The following PTDSS2 variants were observed in gnomAD, a reference collection of about 807,000 sequenced individuals.
PTDSS2 encodes the protein phosphatidylserine synthase 2.
PTDSS2 carries 41 observed loss-of-function variants against 64.7 expected under a neutral mutation model. That is an observed-to-expected ratio of 0.63 (90% CI 0.49 to 0.82). The LOEUF (loss-of-function observed/expected upper bound fraction) is 0.82, where lower values mean the gene tolerates loss of function less well. PTDSS2 is among the 40% of genes least tolerant of loss of function. The pLI is 0.00. For synonymous variants in PTDSS2, 297 were observed against 277.8 expected (o/e 1.07, Z -0.69); for missense variants, 485 against 650.0 (o/e 0.75, Z 2.76).
Position 489,669 on chromosome 11 carries a change from C to T in PTDSS2, c.1051C>T (p.Leu351Phe). 6.2e-7 allele frequency: 1 copy of T among 1,601,576 alleles called. No individual in the cohort carries two copies. The change falls in exon 10 of 12, where the codon CTC (leucine) becomes TTC (phenylalanine). Residue 351 changes from leucine to phenylalanine, a missense_variant. This residue lies in a region of PTDSS2 where 219 missense variants were observed against 257.3 expected (regional missense o/e 0.85). Coordinates refer to ENST00000308020, the MANE Select transcript of PTDSS2 (RefSeq NM_030783.3). ...PPEHYLVLLR[L>F]VFFVNVGGVA... ...GGAGCACTACCTGGTCCTCCTGCGG[C>T]TCGTCTTCTTCGTGAACGTGGGTGG...
chr11:488,943 A>G (rs1848534701), intron 8 of PTDSS2, among the ~76,000 whole-genome samples: 1 of 152,174 alleles, frequency 6.6e-6, no homozygotes, highest in Non-Finnish European at 1.5e-5. Context: ...TGCTTTGGTT[A>G]TGAAATAGTT....
upstream of PTDSS2, among the ~76,000 whole-genome samples, chr11:449,744 C>G (rs934581356): frequency 4.6e-5 from 7 of 152,056 alleles, no homozygotes; most frequent in African/African-American, 1.4e-4. Flanking sequence ...GTCAGGAGTT[C>G]GAGATTGGCC....
At chr11:485,941 C>T (rs1269094176) in intron 4 of PTDSS2, among the ~76,000 whole-genome samples, 2 of 113,420 alleles carry the variant, frequency 1.8e-5, no homozygotes, top group Non-Finnish European at 1.8e-5. Flanking sequence ...TGCGCGCAGG[C>T]GAGCGTAAAC....
intron 1 of PTDSS2, among the ~76,000 whole-genome samples, chr11:456,706 A>G (rs751211075): frequency 6.6e-6 from 1 of 152,080 alleles, no homozygotes; most frequent in Non-Finnish European, 1.5e-5. Context: ...TGGGTCGCCG[A>G]ATCCAGGCAC....
Position 476,149 on chromosome 11 carries a change from G to C in PTDSS2, c.367+2172G>C, listed in dbSNP as rs1444116898. On this transcript the variant is annotated intron_variant, in intron 3 of 11. Transcript: ENST00000308020. This position sits in a 1 kb window ranked among gnomAD's most constrained non-coding sequence, Gnocchi z 4.9. ...CCAGGGCCTTGAGAGAGGGCTCCTT[G>C]AGTGCCTGGCAGGCCACTCTGCTGG... Among the ~76,000 whole-genome samples the C allele has an allele frequency of 6.6e-6, 1 of 152,172 alleles. No homozygotes were observed. The highest frequency in any genetic ancestry group is 1.9e-4 in the East Asian group (1 of 5,198).
At chr11:485,202 G>A (rs1194692860) in intron 4 of PTDSS2, among the ~76,000 whole-genome samples, 3 of 145,630 alleles carry the variant, frequency 2.1e-5, no homozygotes, top group Non-Finnish European at 1.5e-5. Context: ...CTGCACAGGC[G>A]CGTGTGTGCT....
At chr11:467,697 C>T (rs1383728522) in intron 2 of PTDSS2, among the ~76,000 whole-genome samples, 1 of 152,176 alleles carries the variant, frequency 6.6e-6, no homozygotes, top group Non-Finnish European at 1.5e-5. Context: ...CGCAACATTG[C>T]ACTCCAGCCC....
upstream of PTDSS2, among the ~76,000 whole-genome samples, chr11:448,794 A>C (rs1047127291): frequency 1.3e-5 from 2 of 152,246 alleles, no homozygotes; most frequent in Non-Finnish European, 2.9e-5. Flanking sequence ...GATATACTTC[A>C]CATATCATGC....
chr11:468,561 G>A (rs1229405184), intron 2 of PTDSS2, among the ~76,000 whole-genome samples: 1 of 152,264 alleles, frequency 6.6e-6, no homozygotes, highest in Non-Finnish European at 1.5e-5. Context: ...TCAGAGGAAG[G>A]TGCTGAGTAA....
At position 473,974 on chromosome 11, in the gene PTDSS2, C is replaced by T. The variant is rs1398924651; in HGVS notation, c.364C>T (p.Pro122Ser). ...AKDGPFSRPH[P>S]AYWRFWLCVS... ...AGACGGGCCATTTTCCAGACCTCATCCAGGTAACTTGCCATTTCCTTTTCC... is the reference window on the plus strand; with the variant it reads ...AGACGGGCCATTTTCCAGACCTCATTCAGGTAACTTGCCATTTCCTTTTCC... Residue 122 changes from proline to serine, a missense_variant, in exon 3 of 12, where the codon CCA becomes TCA. Physicochemically the swap from Pro to Ser is moderately conservative, Grantham distance 74. Around this residue, in one of 3 missense-constraint regions of PTDSS2, gnomAD observed 251 missense variants for 348.0 expected, o/e 0.72. Transcript: ENST00000308020. 1 of 1,613,142 alleles carries T rather than the reference C, an allele frequency of 6.2e-7. No individual in the cohort carries two copies. Among genetic ancestry groups the T allele is most frequent in the East Asian group, 2.2e-5 (1 of 44,880 alleles).
At position 488,264 on chromosome 11, in the gene PTDSS2, C is replaced by T. The variant is rs1346780722; in HGVS notation, c.687C>T (p.Tyr229=). Residue 229 remains tyrosine, a synonymous_variant, in exon 7 of 12, where the codon TAC becomes TAT. Coordinates refer to ENST00000308020, the MANE Select transcript of PTDSS2 (RefSeq NM_030783.3). ...IISVMFEFLE[Y]SLEHQLPNFS... is the part of the protein sequence containing the mutation. ...GCGTGATGTTCGAGTTCCTGGAGTA[C>T]AGCCTGGAGCACCAGCTGCCCAACT... is the stretch of plus-strand genomic sequence containing the variant. 6 of 1,613,378 alleles carry T rather than the reference C, an allele frequency of 3.7e-6. No individual in the cohort carries two copies. The African/African-American group carries it at 6.7e-5, about 18-fold the overall frequency.
rs1044582866 is a variant in PTDSS2, at chr11:450,286, A to T, written c.-170A>T. On this transcript the variant is annotated 5_prime_UTR_variant, in exon 1 of 12. Coordinates refer to ENST00000308020, the MANE Select transcript of PTDSS2 (RefSeq NM_030783.3). ...GCGCGGACTACAAGCCCCACAATGC[A>T]CCGCACACCCTTTACTGGCCGGCCC... 1.5e-5 allele frequency: 7 copies of T among 459,240 alleles called. No individual in the cohort carries two copies. Among genetic ancestry groups the T allele is most frequent in the African/African-American group, 4.1e-5 (2 of 49,080 alleles). The allele number at this position is 459,240 out of a possible 1,614,324, so 28.4% of individuals were successfully genotyped here.
chr11:475,476 A>G (rs1178248423), intron 3 of PTDSS2, among the ~76,000 whole-genome samples: 1 of 149,904 alleles, frequency 6.7e-6, no homozygotes, highest in South Asian at 2.1e-4. Flanking sequence ...CGCATTTGTG[A>G]TACAGACATA....
chr11:470,426 C>A lies in PTDSS2; in HGVS notation c.285-3469C>A, dbSNP rs1418477284. 6.6e-6 allele frequency among the ~76,000 whole-genome samples: 1 copy of A among 152,128 alleles called. No homozygotes were observed. Among genetic ancestry groups the A allele is most frequent in the Non-Finnish European group, 1.5e-5 (1 of 68,018 alleles). On this transcript the variant is annotated intron_variant, in intron 2 of 11. Coordinates refer to ENST00000308020, the MANE Select transcript of PTDSS2 (RefSeq NM_030783.3). This position sits in a 1 kb window ranked among gnomAD's most constrained non-coding sequence, Gnocchi z 5.3. ...AGGAGAGTCTGAGAAACCGTCCCAG[C>A]CTCGGGGAGCCTGAAGAGACAGAAC...
At position 487,464 on chromosome 11, in the gene PTDSS2, C is replaced by A; in HGVS notation, c.615C>A (p.Tyr205Ter). 1 of 1,613,826 alleles carries A rather than the reference C, an allele frequency of 6.2e-7. No individual in the cohort carries two copies. The highest frequency in any genetic ancestry group is 8.5e-7 in the Non-Finnish European group (1 of 1,179,944). Reference protein sequence around the residue: ...GFVPAHFLGWYLKTLMIRDWW... With the variant: ...GFVPAHFLGW ...TTCCCGCGCACTTTCTTGGCTGGTA[C>A]CTGAAGGTACGGCACCTCCTCTTCC... The change falls in exon 6 of 12, where the codon TAC becomes TAA. Residue 205 changes from tyrosine to a stop codon, truncating the protein, a stop_gained. Coordinates refer to ENST00000308020, the MANE Select transcript of PTDSS2 (RefSeq NM_030783.3). LOFTEE classifies it high-confidence loss of function.
upstream of PTDSS2, among the ~76,000 whole-genome samples, chr11:449,745 G>C (rs1203127903): frequency 3.3e-5 from 5 of 152,172 alleles, no homozygotes; most frequent in African/African-American, 1.2e-4. Context: ...TCAGGAGTTC[G>C]AGATTGGCCT....
chr11:450,770 G>A, intron 1 of PTDSS2, 133 bp downstream of exon 1: 1 of 820,718 alleles, frequency 1.2e-6, no homozygotes, highest in East Asian at 3.4e-5. Context: ...GGGTTTGAGG[G>A]TGTGGCAGCA....
intron 1 of PTDSS2, chr11:459,911 G>A: frequency 2.2e-6 from 1 of 458,650 alleles, no homozygotes; most frequent in Admixed American, 3.6e-5. Flanking sequence ...GCCAGTGGCA[G>A]CATGTGCCCT....
chr11:448,727 C>T (rs1487366454), upstream of PTDSS2, among the ~76,000 whole-genome samples: 8 of 152,170 alleles, frequency 5.3e-5, no homozygotes. Context: ...TGCAGGAGCC[C>T]CGCAAATATG....
Sources: gnomAD v4.1 joint callset for allele counts (sites outside exome capture counted in the v4.1 genomes callset) on GRCh38, gnomAD v4.1.1 for gene constraint, gnomAD v4.1.1 regional missense constraint, Gnocchi (gnomAD v3.1) non-coding constraint, MANE v1.5 for transcripts, NCBI Gene and HGNC (gene_info 2026-07-23, HGNC 2026-07-21) for gene names.